The following AFF1 variants were observed in gnomAD, a reference collection of about 807,000 sequenced individuals.
The protein encoded by AFF1 is ALF transcription elongation factor 1.
A neutral mutation model predicts 121.7 loss-of-function variants in AFF1; 48 were observed. The ratio of observed to expected loss-of-function variants is 0.39; its 90% CI spans 0.31 to 0.50. The LOEUF (loss-of-function observed/expected upper bound fraction) is 0.50, where lower values mean the gene tolerates loss of function less well. AFF1 is among the 20% of genes least tolerant of loss of function. The pLI is 0.76. For missense variants in AFF1, 1,523 were observed against 1,511.7 expected (o/e 1.01, Z -0.12); for synonymous variants, 613 against 563.0 (o/e 1.09, Z -1.26).
At chr4:86,986,631 C>T (rs1724298932) in intron 2 of AFF1, among the ~76,000 whole-genome samples, 1 of 151,782 alleles carries the variant, frequency 6.6e-6, no homozygotes, top group Non-Finnish European at 1.5e-5. Context: ...ACAAATAAAT[C>T]TCATAAAAAA....
At chr4:86,943,742 C>T (rs891984504) in intron 1 of AFF1, among the ~76,000 whole-genome samples, 1 of 151,868 alleles carries the variant, frequency 6.6e-6, no homozygotes, top group African/African-American at 2.4e-5. Context: ...GGCAGATCAC[C>T]TGAGGTCGGG....
intron 8 of AFF1, among the ~76,000 whole-genome samples, chr4:87,098,858 G>A (rs1425824176): frequency 1.3e-5 from 2 of 152,204 alleles, no homozygotes; most frequent in Non-Finnish European, 2.9e-5. Flanking sequence ...GAGAAAGACT[G>A]TTGCCAAGTT....
In AFF1 at chr4:87,135,850, A is replaced by C; in HGVS notation, c.*149A>C. On this transcript the variant is annotated 3_prime_UTR_variant, in exon 21 of 21. Coordinates refer to ENST00000395146, the MANE Select transcript of AFF1 (RefSeq NM_001166693.3). Reference sequence around the variant, plus strand: ...AGGACATTTGTCCACTTAAACTCTCAACAACAGTGTGATCATTGGTTGGAC... The same window carrying C: ...AGGACATTTGTCCACTTAAACTCTCCACAACAGTGTGATCATTGGTTGGAC... 8.4e-5 allele frequency: 103 copies of C among 1,227,232 alleles called. No homozygotes were observed. Among genetic ancestry groups the C allele is most frequent in the Non-Finnish European group, 1.0e-4 (95 of 919,120 alleles). 76.0% of individuals were successfully genotyped at this position (1,227,232 alleles called of 1,614,324 possible).
intron 2 of AFF1, among the ~76,000 whole-genome samples, chr4:87,019,081 C>T (rs752207456): frequency 2.6e-5 from 4 of 152,082 alleles, no homozygotes; most frequent in African/African-American, 7.2e-5. Flanking sequence ...TCTATCTCTG[C>T]CAAAAATAGA....
intron 2 of AFF1, among the ~76,000 whole-genome samples, chr4:87,020,076 A>C (rs951129534): frequency 5.3e-5 from 8 of 152,228 alleles, no homozygotes; most frequent in African/African-American, 1.9e-4. Flanking sequence ...TTCTCAAGGG[A>C]TTCTGTGGCT....
chr4:87,064,052 C>G (rs1721083655), intron 4 of AFF1, among the ~76,000 whole-genome samples: 1 of 151,976 alleles, frequency 6.6e-6, no homozygotes. Flanking sequence ...TATTTTATGC[C>G]CTAATAAAGT....
At chr4:86,969,879 C>CCAAAAAAAAAAAAAAAAAA (rs1722813558) in intron 2 of AFF1, among the ~76,000 whole-genome samples, 1 of 63,610 alleles carries the variant, frequency 1.6e-5, no homozygotes, top group Non-Finnish European at 3.1e-5. Context: ...GACTCCGTCT[C>CCAAAAAAAAAAAAAAAAAA]AAAAAAAAAA....
Position 87,131,871 on chromosome 4 carries a change from AT to A in AFF1, c.3173+11del. 6.4e-7 allele frequency: 1 copy of A among 1,573,640 alleles called. No individual in the cohort carries two copies. The highest frequency in any genetic ancestry group is 8.6e-7 in the Non-Finnish European group (1 of 1,166,856). On this transcript the variant is annotated splice_region_variant and intron_variant, in intron 18 of 20. Coordinates refer to ENST00000395146, the MANE Select transcript of AFF1 (RefSeq NM_001166693.3). ...AAATATTTGCTGTTTTATGGTGCGT[AT>A]TTTCCTTTGTCTAAATAGTACTAAA...
At chr4:86,961,753 G>A (rs1722166275) in intron 2 of AFF1, among the ~76,000 whole-genome samples, 2 of 152,090 alleles carry the variant, frequency 1.3e-5, no homozygotes, top group Non-Finnish European at 2.9e-5. Context: ...TCGCCGTGGT[G>A]AGATGATGTG....
intron 2 of AFF1, among the ~76,000 whole-genome samples, chr4:87,040,564 CTT>C (rs368321249): frequency 2.9e-4 from 41 of 142,360 alleles, no homozygotes; most frequent in African/African-American, 3.1e-4. Flanking sequence ...TCCCCTCACC[CTT>C]TTTTTTTTTT....
chr4:86,940,291 C>A (rs1720356183), intron 1 of AFF1, among the ~76,000 whole-genome samples: 1 of 152,198 alleles, frequency 6.6e-6, no homozygotes, highest in Non-Finnish European at 1.5e-5. Flanking sequence ...GCCAGAATAT[C>A]AACATTTTCT....
At chr4:86,968,633 TG>T (rs1210749062) in intron 2 of AFF1, among the ~76,000 whole-genome samples, 3 of 151,946 alleles carry the variant, frequency 2.0e-5, no homozygotes, top group Non-Finnish European at 2.9e-5. Flanking sequence ...GGTCAGTGGG[TG>T]GTAGGTAAGC....
At chr4:87,076,779 A>G (rs535112529) in intron 4 of AFF1, among the ~76,000 whole-genome samples, 1 of 152,364 alleles carries the variant, frequency 6.6e-6, no homozygotes, top group African/African-American at 2.4e-5. Flanking sequence ...AGTTGCCCAT[A>G]GGGCATGATG....
At chr4:87,033,866 G>A (rs190732200) in intron 2 of AFF1, among the ~76,000 whole-genome samples, 7 of 152,076 alleles carry the variant, frequency 4.6e-5, no homozygotes, top group African/African-American at 1.7e-4. Context: ...TGAGTCTCTG[G>A]ATCTGTATGT....
At chr4:87,057,596 A>C (rs1720283564) in intron 4 of AFF1, among the ~76,000 whole-genome samples, 1 of 152,104 alleles carries the variant, frequency 6.6e-6, no homozygotes, top group Non-Finnish European at 1.5e-5. Context: ...GGCCTTAAGA[A>C]AAAGAATTTG....
chr4:86,981,437 G>A (rs908496734), intron 2 of AFF1, among the ~76,000 whole-genome samples: 5 of 151,922 alleles, frequency 3.3e-5, no homozygotes, highest in Admixed American at 3.3e-4. Flanking sequence ...GTGTGATCGC[G>A]GCTCACTGTG....
At chr4:87,112,440 A>G (rs781091381) in intron 11 of AFF1, among the ~76,000 whole-genome samples, 22 of 152,250 alleles carry the variant, frequency 1.4e-4, no homozygotes, top group Non-Finnish European at 2.5e-4. Flanking sequence ...GTAAACAGAA[A>G]GAAAAAAGGA....
At chr4:87,125,704 A>C (rs1265457541) in intron 13 of AFF1, among the ~76,000 whole-genome samples, 1 of 152,218 alleles carries the variant, frequency 6.6e-6, no homozygotes, top group Admixed American at 6.5e-5. Context: ...TGCTTCAAAA[A>C]ATGTATTGGC....
At chr4:86,996,606 C>A (rs1277809459) in intron 2 of AFF1, among the ~76,000 whole-genome samples, 1 of 151,470 alleles carries the variant, frequency 6.6e-6, no homozygotes, top group Admixed American at 6.6e-5. Flanking sequence ...GCAGGGTCCT[C>A]TGCCTAGGAA....
Sources: gnomAD v4.1 joint callset for allele counts (sites outside exome capture counted in the v4.1 genomes callset) on GRCh38, gnomAD v4.1.1 for gene constraint, MANE v1.5 for transcripts, NCBI Gene and HGNC (gene_info 2026-07-23, HGNC 2026-07-21) for gene names.